Variants in ROCK1 observed in about 807,000 individuals in gnomAD.
ROCK1 encodes the protein rho-associated protein kinase 1.
ROCK1 carries 36 observed loss-of-function variants against 196.8 expected under a neutral mutation model. The ratio of observed to expected loss-of-function variants is 0.18; its 90% CI spans 0.14 to 0.24. ROCK1 has a LOEUF of 0.24. ROCK1 is among the 10% of genes least tolerant of loss of function. The pLI is 1.00. For missense variants in ROCK1, 920 were observed against 1,562.0 expected, an observed-to-expected ratio of 0.59 and a Z score of 6.93; for synonymous variants, 443 against 515.9, an observed-to-expected ratio of 0.86 and a Z score of 1.91.
chr18:21,022,550 G>C (rs1273788502), intron 11 of ROCK1, among the ~76,000 whole-genome samples: 3 of 151,974 alleles, frequency 2.0e-5, no homozygotes, highest in African/African-American at 7.2e-5. Context: ...ACCCACAGGA[G>C]ACACCAGCAG....
intron 1 of ROCK1, among the ~76,000 whole-genome samples, chr18:21,103,331 T>C (rs1195964083): frequency 6.6e-6 from 1 of 152,198 alleles, no homozygotes; most frequent in Non-Finnish European, 1.5e-5. Context: ...CAGTCTTACA[T>C]TTCTACCCCA....
chr18:20,955,867 T>G (rs572693592), intron 29 of ROCK1, among the ~76,000 whole-genome samples: 1 of 150,970 alleles, frequency 6.6e-6, no homozygotes, highest in Admixed American at 6.6e-5. Context: ...ATTCCATTCA[T>G]ATAACACTCT....
intron 1 of ROCK1, 79 bp from the exon 2 acceptor site, chr18:21,070,692 C>T (rs376939526): frequency 4.5e-5 from 38 of 839,032 alleles, no homozygotes; most frequent in Admixed American, 2.7e-4. Flanking sequence ...ATAAAATATA[C>T]GCTTTAATAT....
rs117271439 is a variant in ROCK1, at chr18:20,978,903, T to G, written c.2654+1007A>C. The stretch of plus-strand genomic sequence containing the variant: ...ATAAGAACTGTATTAGTTTTGCTGT[T>G]TTCTGTAATTGTTTGTTTCAACAAC... On this transcript the variant is annotated intron_variant, in intron 22 of 32. Coordinates refer to ENST00000399799, the MANE Select transcript of ROCK1 (RefSeq NM_005406.3). 4.1e-3 allele frequency among the ~76,000 whole-genome samples: 619 copies of G among 152,354 alleles called. 4 individuals carry two copies. Among genetic ancestry groups the G allele is most frequent in the Non-Finnish European group, 6.4e-3 (436 of 68,032 alleles).
At chr18:21,075,013 A>C (rs1476462163) in intron 1 of ROCK1, among the ~76,000 whole-genome samples, 13 of 152,208 alleles carry the variant, frequency 8.5e-5, no homozygotes, top group African/African-American at 2.9e-4. Context: ...AAGGAGATGA[A>C]GGAGAAGGAG....
chr18:20,988,364 G>A (rs923896097), intron 18 of ROCK1, among the ~76,000 whole-genome samples: 5 of 151,914 alleles, frequency 3.3e-5, no homozygotes, highest in South Asian at 4.1e-4. Context: ...CCCCGCACCC[G>A]GCCTCTTTCT....
chr18:21,029,608 T>C (rs1398985180), intron 9 of ROCK1, among the ~76,000 whole-genome samples: 4 of 152,082 alleles, frequency 2.6e-5, no homozygotes, highest in Non-Finnish European at 4.4e-5. Flanking sequence ...GGCAGTAATA[T>C]AAAAAATGGA....
intron 1 of ROCK1, among the ~76,000 whole-genome samples, chr18:21,107,677 A>G (rs751802503): frequency 6.6e-6 from 1 of 152,248 alleles, no homozygotes; most frequent in South Asian, 2.1e-4. Flanking sequence ...ACGAATGCTC[A>G]ATGTTAAACA....
intron 21 of ROCK1, among the ~76,000 whole-genome samples, chr18:20,980,462 T>C (rs1275072764): frequency 6.6e-6 from 1 of 152,010 alleles, no homozygotes; most frequent in Non-Finnish European, 1.5e-5. Context: ...TGTCTGTGTA[T>C]AGAGGTGGGT....
rs558397534 is a variant in ROCK1, at chr18:21,017,503, G to A, written c.1362-2024C>T. 1.1e-4 allele frequency among the ~76,000 whole-genome samples: 16 copies of A among 151,872 alleles called. No individual in the cohort carries two copies. In the East Asian group the frequency reaches 2.9e-3, roughly 28 times the overall value. On this transcript the variant is annotated intron_variant, in intron 12 of 32. Coordinates refer to ENST00000399799, the MANE Select transcript of ROCK1 (RefSeq NM_005406.3). ...CCGCACCTGGCCTACCACACTTCTTGATAATTACTTACTTGTTTTTCTTGC... is the reference window on the plus strand; with the variant it reads ...CCGCACCTGGCCTACCACACTTCTTAATAATTACTTACTTGTTTTTCTTGC...
intron 16 of ROCK1, among the ~76,000 whole-genome samples, chr18:20,999,509 C>T (rs1465619140): frequency 6.6e-6 from 1 of 152,004 alleles, no homozygotes; most frequent in African/African-American, 2.4e-5. Context: ...TAACATCATA[C>T]TCAATGAACA....
intron 1 of ROCK1, among the ~76,000 whole-genome samples, chr18:21,094,762 G>C (rs1212952223): frequency 1.7e-5 from 2 of 115,516 alleles, no homozygotes; most frequent in Non-Finnish European, 3.6e-5. Flanking sequence ...AAAAAAAAAA[G>C]ATGGCCAGGC....
At position 21,008,000 on chromosome 18, in the gene ROCK1, A is replaced by G. The variant is rs568408383; in HGVS notation, c.1546+59T>C. ...GTATGTATCATGGACACTAAATTAA[A>G]GACAACCTCATGACAGTGTTAGAAA... On this transcript the variant is annotated intron_variant, in intron 14 of 32. Coordinates refer to ENST00000399799, the MANE Select transcript of ROCK1 (RefSeq NM_005406.3). 809 of 1,355,984 alleles carry G rather than the reference A, an allele frequency of 6.0e-4. 12 individuals are homozygous for G. The South Asian group carries it at 0.011, about 19-fold the overall frequency. 84.0% of individuals were successfully genotyped at this position (1,355,984 alleles called of 1,614,324 possible). A position where few individuals can be genotyped will look rare whatever the true frequency, so the allele number is the denominator to read the frequency against.
Position 20,955,058 on chromosome 18 carries a change from T to C in ROCK1, c.3592-14A>G. The C allele has an allele frequency of 1.3e-6, 2 of 1,556,552 alleles. No individual in the cohort carries two copies. The highest frequency in any genetic ancestry group is 8.6e-7 in the Non-Finnish European group (1 of 1,156,120). On this transcript the variant is annotated splice_polypyrimidine_tract_variant and intron_variant, in intron 30 of 32. Transcript: ENST00000399799. ...TGCATATAGTATCTACATTCAGGAA[T>C]GGTGAAAGGAAAAGATTTTAAAAAT...
In ROCK1 at chr18:21,110,958, A is replaced by C; in HGVS notation, c.-48T>G. The C allele has an allele frequency of 6.6e-7, 1 of 1,516,794 alleles. No homozygotes were observed. The highest frequency in any genetic ancestry group is 9.1e-7 in the Non-Finnish European group (1 of 1,092,968). The allele number at this position is 1,516,794 out of a possible 1,614,324, so 94.0% of individuals were successfully genotyped here. On this transcript the variant is annotated 5_prime_UTR_variant, in exon 1 of 33. Transcript: ENST00000399799. Reference sequence around the variant, plus strand: ...CCTCTTACCAGCACCAGCAGCGGAAAGCAATTTCAACCAACTTCCTCCGCG... The same window carrying C: ...CCTCTTACCAGCACCAGCAGCGGAACGCAATTTCAACCAACTTCCTCCGCG...
At position 21,052,227 on chromosome 18, in the gene ROCK1, T is replaced by A. The variant is rs1444510948; in HGVS notation, c.176-2347A>T. Among the ~76,000 whole-genome samples the A allele has an allele frequency of 2.0e-5, 3 of 152,210 alleles. No homozygotes were observed. The South Asian group carries it at 6.2e-4, about 31-fold the overall frequency. On this transcript the variant is annotated intron_variant, in intron 2 of 32. Coordinates refer to ENST00000399799, the MANE Select transcript of ROCK1 (RefSeq NM_005406.3). The stretch of plus-strand genomic sequence containing the variant: ...AGTGTAAATGCCTCTGTTGGATGGC[T>A]TTCAATCAAACTCAGAGATTCTATG...
chr18:21,006,582 C>G lies in ROCK1; in HGVS notation c.1654G>C (p.Asp552His). Residue 552 changes from aspartate (D) to histidine (H), a missense_variant, in exon 16 of 33, where the codon GAC becomes CAC. Physicochemically the swap from Asp to His is moderately conservative, Grantham distance 81. Transcript: ENST00000399799. ...GTGTCCGATTCTGTCCTAAGTAAGT[C>G]ATTGGCTTCTTCTAGCTATTTAAAA... Reference protein sequence around the residue: ...QLQKQLEEANDLLRTESDTAV... With the variant: ...QLQKQLEEANHLLRTESDTAV... The G allele has an allele frequency of 6.2e-7, 1 of 1,613,272 alleles. No individual in the cohort carries two copies. Among genetic ancestry groups the G allele is most frequent in the Non-Finnish European group, 8.5e-7 (1 of 1,179,742 alleles).
chr18:21,033,155 G>T (rs1374692264), intron 9 of ROCK1, among the ~76,000 whole-genome samples: 1 of 151,808 alleles, frequency 6.6e-6, no homozygotes, highest in African/African-American at 2.4e-5. Flanking sequence ...TAAGATCATG[G>T]CACTGCATTC....
chr18:21,017,332 C>T (rs1475362131), intron 12 of ROCK1, among the ~76,000 whole-genome samples: 1 of 151,726 alleles, frequency 6.6e-6, no homozygotes, highest in Non-Finnish European at 1.5e-5. Flanking sequence ...GCTGGGACTA[C>T]AGGCGCCCGC....
Sources: allele counts gnomAD v4.1 joint callset (sites outside exome capture counted in the v4.1 genomes callset), GRCh38; gene constraint gnomAD v4.1.1; transcripts MANE v1.5; gene names NCBI Gene and HGNC (gene_info 2026-07-23, HGNC 2026-07-21).